ZDHHC18: variants seen among roughly 807,000 people sequenced by gnomAD.
ZDHHC18 encodes palmitoyltransferase ZDHHC18.
Under a neutral mutation model 37.5 loss-of-function variants are expected in ZDHHC18, and 23 were observed. The observed-to-expected ratio is 0.61, with a 90% CI of 0.44 to 0.87. ZDHHC18 has a LOEUF of 0.87. Among genes scored for constraint, ZDHHC18 ranks in the 40% least tolerant of loss-of-function variants. ZDHHC18 has a pLI of 0.00. For missense variants in ZDHHC18, 406 were observed against 525.6 expected, an observed-to-expected ratio of 0.77 and a Z score of 2.22; for synonymous variants, 185 against 218.7, an observed-to-expected ratio of 0.85 and a Z score of 1.36.
At position 26,826,886 on chromosome 1, in the gene ZDHHC18, G is replaced by A; in HGVS notation, c.82G>A (p.Ala28Thr). The change falls in exon 1 of 8, where the codon GCC becomes ACC. Residue 28 changes from alanine to threonine, a missense_variant. Transcript: ENST00000374142. The surrounding 1 kb of genome is among the most constrained non-coding windows in gnomAD (Gnocchi z 5.2). ...CCCGGGGGCGCGCCGTCCCGGCCCC[G>A]CCGCGTCCCCGACTCCGGGCCCCGG... Reference protein sequence around the residue: ...ASPGARRPGPAASPTPGPGPA... With the variant: ...ASPGARRPGPTASPTPGPGPA... 1 of 980,912 alleles carries A rather than the reference G, an allele frequency of 1.0e-6. No homozygotes were observed. The allele number at this position is 980,912 out of a possible 1,614,324, so 60.8% of individuals were successfully genotyped here.
At chr1:26,842,812 A>G (rs147430430) in intron 2 of ZDHHC18, among the ~76,000 whole-genome samples, 1 of 152,394 alleles carries the variant, frequency 6.6e-6, no homozygotes, top group African/African-American at 2.4e-5. Flanking sequence ...AGTGCCTAGA[A>G]TCGTGCCTGG....
At chr1:26,839,882 A>G (rs747193865) in intron 2 of ZDHHC18, among the ~76,000 whole-genome samples, 13 of 152,172 alleles carry the variant, frequency 8.5e-5, no homozygotes, top group African/African-American at 1.4e-4. Context: ...AGAATCAGCA[A>G]TGGGAGAGCT....
intron 2 of ZDHHC18, among the ~76,000 whole-genome samples, chr1:26,846,210 A>G (rs57937302): frequency 2.0e-5 from 1 of 50,214 alleles, no homozygotes; most frequent in African/African-American, 8.5e-5. Context: ...ATATACACGT[A>G]TATACATATA....
intron 2 of ZDHHC18, among the ~76,000 whole-genome samples, chr1:26,833,702 T>G (rs770083349): frequency 7.2e-5 from 11 of 152,104 alleles, no homozygotes; most frequent in Non-Finnish European, 1.5e-4. Flanking sequence ...AGAAGTGACG[T>G]GGCTACTTGC....
At chr1:26,853,360 C>G in intron 7 of ZDHHC18, 1 of 297,638 alleles carries the variant, frequency 3.4e-6, no homozygotes, top group Non-Finnish European at 6.4e-6. Context: ...ACCTACCCCA[C>G]CCAGTATCCC....
In ZDHHC18 at chr1:26,857,434, G is replaced by A. The variant is rs984205934; in HGVS notation, c.*3591G>A. On this transcript the variant is annotated 3_prime_UTR_variant, in exon 8 of 8. Coordinates refer to ENST00000374142, the MANE Select transcript of ZDHHC18 (RefSeq NM_032283.3). ...AGGGTGCGTGCCTCCTTTGCTCTAG[G>A]CACTGAGGGACCAAGCTAGCCGTGC... 1.3e-5 allele frequency: 2 copies of A among 152,364 alleles called. No homozygotes were observed. Among genetic ancestry groups the A allele is most frequent in the Admixed American group, 1.3e-4 (2 of 15,296 alleles). 9.4% of individuals were successfully genotyped at this position (152,364 alleles called of 1,614,324 possible). A position where few individuals can be genotyped will look rare whatever the true frequency, so the allele number is the denominator to read the frequency against.
intron 2 of ZDHHC18, among the ~76,000 whole-genome samples, chr1:26,836,326 G>C (rs183142436): frequency 3.3e-5 from 5 of 152,072 alleles, no homozygotes; most frequent in Non-Finnish European, 1.5e-5. Flanking sequence ...GACCTGCCTC[G>C]TGTTCCACCT....
chr1:26,840,123 C>G (rs2081630743), intron 2 of ZDHHC18, among the ~76,000 whole-genome samples: 1 of 152,170 alleles, frequency 6.6e-6, no homozygotes, highest in Admixed American at 6.5e-5. Context: ...CTTAGCAGTT[C>G]CCTCCCTGTC....
intron 2 of ZDHHC18, among the ~76,000 whole-genome samples, chr1:26,840,685 G>C (rs1214861301): frequency 6.6e-6 from 1 of 151,934 alleles, no homozygotes; most frequent in Non-Finnish European, 1.5e-5. Context: ...CAGGTGATCC[G>C]CCTGCCTCGG....
chr1:26,851,066 C>T, intron 5 of ZDHHC18, 63 bp from the exon 6 acceptor site: 1 of 1,466,510 alleles, frequency 6.8e-7, no homozygotes, highest in Non-Finnish European at 9.6e-7. Flanking sequence ...ATAGGTGAGA[C>T]AGGCCAGGTG....
At chr1:26,832,725 C>A in intron 2 of ZDHHC18, 118 bp downstream of exon 2, 1 of 1,284,298 alleles carries the variant, frequency 7.8e-7, no homozygotes, top group Non-Finnish European at 1.1e-6. Flanking sequence ...CAGTCGTGAG[C>A]AAGGCAGGCT....
chr1:26,848,798 G>C (rs2081686765), intron 3 of ZDHHC18, 41 bp downstream of exon 3: 2 of 1,593,946 alleles, frequency 1.3e-6, no homozygotes, highest in Non-Finnish European at 1.7e-6. Flanking sequence ...GGATTCCTGA[G>C]AGAGACTGAG....
In ZDHHC18 at chr1:26,850,701, G is replaced by A. The variant is rs977413615; in HGVS notation, c.833+95G>A. 8.8e-5 allele frequency: 123 copies of A among 1,391,344 alleles called. No homozygotes were observed. The African/African-American group carries it at 1.3e-3, about 14-fold the overall frequency. The allele number at this position is 1,391,344 out of a possible 1,614,324, so 86.2% of individuals were successfully genotyped here. ...CATCCTCTAATCAGAAGGGAACAGC[G>A]TACAGCTCACATGTGTCCTCCAGAA... On this transcript the variant is annotated intron_variant, in intron 5 of 7. Coordinates refer to ENST00000374142, the MANE Select transcript of ZDHHC18 (RefSeq NM_032283.3). This position sits in a 1 kb window ranked among gnomAD's most constrained non-coding sequence, Gnocchi z 6.1.
At chr1:26,844,334 C>T (rs1325983814) in intron 2 of ZDHHC18, among the ~76,000 whole-genome samples, 3 of 152,170 alleles carry the variant, frequency 2.0e-5, no homozygotes, top group Non-Finnish European at 2.9e-5. Context: ...CCACTGCACC[C>T]GGCCAGACAA....
At chr1:26,830,947 T>G (rs537370273) in intron 1 of ZDHHC18, among the ~76,000 whole-genome samples, 1 of 152,290 alleles carries the variant, frequency 6.6e-6, no homozygotes, top group African/African-American at 2.4e-5. Flanking sequence ...CACACCCTGC[T>G]AATTTTTCTG....
At chr1:26,836,215 A>G (rs2081610526) in intron 2 of ZDHHC18, among the ~76,000 whole-genome samples, 1 of 152,274 alleles carries the variant, frequency 6.6e-6, no homozygotes, top group East Asian at 1.9e-4. Context: ...TACAGTTCAC[A>G]TGACGGACAC....
Position 26,856,182 on chromosome 1 carries a change from C to T in ZDHHC18, c.*2339C>T. 1 of 454,406 alleles carries T rather than the reference C, an allele frequency of 2.2e-6. No individual in the cohort carries two copies. Among genetic ancestry groups the T allele is most frequent in the Non-Finnish European group, 4.4e-6 (1 of 225,362 alleles). The allele number at this position is 454,406 out of a possible 1,614,324, so 28.1% of individuals were successfully genotyped here. A position where few individuals can be genotyped will look rare whatever the true frequency, so the allele number is the denominator to read the frequency against. ...TGGCCCACCTCTCTGGTATCTCCCT[C>T]AGGAGGACACCTGTCAGGATTTTGC... On this transcript the variant is annotated 3_prime_UTR_variant, in exon 8 of 8. Transcript: ENST00000374142. The surrounding 1 kb of genome is among the most constrained non-coding windows in gnomAD (Gnocchi z 5.2).
chr1:26,842,943 G>A (rs1302108518), intron 2 of ZDHHC18, among the ~76,000 whole-genome samples: 4 of 152,142 alleles, frequency 2.6e-5, no homozygotes, highest in African/African-American at 2.4e-5. Flanking sequence ...GGGGGTATAG[G>A]CTGCCCCAGG....
chr1:26,848,795 TGA>T, intron 3 of ZDHHC18, 38 bp downstream of exon 3: 9 of 1,593,708 alleles, frequency 5.6e-6, no homozygotes, highest in Non-Finnish European at 6.9e-6. Flanking sequence ...CAGGGATTCC[TGA>T]GAGAGACTGA....
Sources: gnomAD v4.1 joint callset for allele counts (sites outside exome capture counted in the v4.1 genomes callset) on GRCh38, gnomAD v4.1.1 for gene constraint, Gnocchi (gnomAD v3.1) non-coding constraint, MANE v1.5 for transcripts, NCBI Gene and HGNC (gene_info 2026-07-23, HGNC 2026-07-21) for gene names.